Variants in TMEM182 observed in about 807,000 individuals in gnomAD.
TMEM182 encodes transmembrane protein 182.
Under a neutral mutation model 26.8 loss-of-function variants are expected in TMEM182, and 20 were observed. The ratio of observed to expected loss-of-function variants is 0.75; its 90% CI spans 0.53 to 1.09. TMEM182 has a LOEUF of 1.09. TMEM182 is among the 50% of genes least tolerant of loss of function. TMEM182 has a pLI of 0.00. For synonymous variants in TMEM182, 109 were observed against 102.2 expected, an observed-to-expected ratio of 1.07 and a Z score of -0.40; for missense variants, 277 against 275.5, an observed-to-expected ratio of 1.01 and a Z score of -0.04.
At chr2:102,745,811 G>A (rs559984315) in intron 1 of TMEM182, among the ~76,000 whole-genome samples, 45 of 152,200 alleles carry the variant, frequency 3.0e-4, no homozygotes, top group Admixed American at 4.6e-4. Flanking sequence ...TCCCAATAAC[G>A]TTCCACTTAT....
At chr2:102,777,502 T>C (rs1411725351) in intron 3 of TMEM182, among the ~76,000 whole-genome samples, 1 of 152,090 alleles carries the variant, frequency 6.6e-6, no homozygotes, top group African/African-American at 2.4e-5. Context: ...ATCTATTTAT[T>C]CTTTTACCAA....
At chr2:102,764,564 A>C (rs1359285404) in intron 3 of TMEM182, 137 bp downstream of exon 3, 2 of 598,656 alleles carry the variant, frequency 3.3e-6, no homozygotes, top group Non-Finnish European at 5.3e-6. Context: ...CTGTTAGATT[A>C]AAAAATGTTA....
chr2:102,841,969 T>C (rs1281322422), intron 3 of TMEM182, among the ~76,000 whole-genome samples: 2 of 152,232 alleles, frequency 1.3e-5, no homozygotes, highest in Admixed American at 6.5e-5. Flanking sequence ...TTCAGGAAAG[T>C]ATCTAGCATG....
At chr2:102,821,178 G>A (rs943953861), downstream of TMEM182, among the ~76,000 whole-genome samples, 39 of 152,176 alleles carry the variant, frequency 2.6e-4, no homozygotes, top group African/African-American at 7.7e-4. Flanking sequence ...AACATAATGT[G>A]TAGCCTGCAT....
chr2:102,827,296 C>T (rs1307308440), intron 3 of TMEM182, among the ~76,000 whole-genome samples: 1 of 152,212 alleles, frequency 6.6e-6, no homozygotes, highest in African/African-American at 2.4e-5. Context: ...GTGTCTTGCT[C>T]ACAATGCAGG....
At chr2:102,765,857 G>C (rs1680413687) in intron 3 of TMEM182, among the ~76,000 whole-genome samples, 1 of 152,100 alleles carries the variant, frequency 6.6e-6, no homozygotes, top group South Asian at 2.1e-4. Flanking sequence ...AACTGCAGAA[G>C]GCACCTCACT....
intron 4 of TMEM182, among the ~76,000 whole-genome samples, chr2:102,809,764 A>G (rs567718900): frequency 6.6e-6 from 1 of 152,304 alleles, no homozygotes; most frequent in East Asian, 1.9e-4. Flanking sequence ...TTCTAATTCT[A>G]TGTAGATGCC....
intron 3 of TMEM182, among the ~76,000 whole-genome samples, chr2:102,794,410 G>C (rs182813001): frequency 6.6e-6 from 1 of 152,322 alleles, no homozygotes; most frequent in South Asian, 2.1e-4. Context: ...CTCTTCCTCT[G>C]TTTCTGAAGT....
At chr2:102,836,254 A>G (rs529234009) in intron 3 of TMEM182, among the ~76,000 whole-genome samples, 7 of 152,340 alleles carry the variant, frequency 4.6e-5, no homozygotes, top group African/African-American at 1.4e-4. Flanking sequence ...AAATACAAAG[A>G]TTATAATTGC....
In TMEM182 at chr2:102,814,898, G is replaced by A. The variant is rs1682688743; in HGVS notation, c.620G>A (p.Gly207Glu). ...YGWSFFLAPA[G>E]IFFSLLAGLL... ...TGGTCATTTTTCCTGGCCCCAGCTG[G>A]GATATTTTTTTCTTTGCTAGCTGGA... Residue 207 changes from glycine to glutamate, a missense_variant, in exon 5 of 5, where the codon GGG (glycine) becomes GAG (glutamate). Physicochemically the swap from Gly to Glu is moderately conservative, Grantham distance 98. Transcript: ENST00000412401. 1 of 1,613,836 alleles carries A rather than the reference G, an allele frequency of 6.2e-7. No individual in the cohort carries two copies. Among genetic ancestry groups the A allele is most frequent in the Non-Finnish European group, 8.5e-7 (1 of 1,179,950 alleles).
At chr2:102,745,267 A>G (rs1679658286) in intron 1 of TMEM182, among the ~76,000 whole-genome samples, 1 of 152,048 alleles carries the variant, frequency 6.6e-6, no homozygotes, top group Non-Finnish European at 1.5e-5. Flanking sequence ...TGGAATTTAC[A>G]TTTGAATCTT....
chr2:102,771,501 CAG>C (rs1478773142), intron 3 of TMEM182, among the ~76,000 whole-genome samples: 2 of 152,156 alleles, frequency 1.3e-5, no homozygotes, highest in African/African-American at 4.8e-5. Context: ...CACCTTTTTT[CAG>C]AGAGTGCCAT....
intron 3 of TMEM182, among the ~76,000 whole-genome samples, chr2:102,785,844 A>G (rs528366178): frequency 6.6e-6 from 1 of 152,290 alleles, no homozygotes; most frequent in South Asian, 2.1e-4. Flanking sequence ...AATTATGAAA[A>G]TGAAGACTCA....
Position 102,817,199 on chromosome 2 carries a change from G to T in TMEM182, c.*2231G>T, listed in dbSNP as rs1340522636. The T allele has an allele frequency of 3.0e-6, 3 of 985,212 alleles. No individual in the cohort carries two copies. In the East Asian group the frequency reaches 3.4e-4, roughly 112 times the overall value. The allele number at this position is 985,212 out of a possible 1,614,324, so 61.0% of individuals were successfully genotyped here. The stretch of plus-strand genomic sequence containing the variant: ...ACATTATTGTAGCAACCTTATATCT[G>T]ATTTGAGATACTGTGTTGCCAAATG... On this transcript the variant is annotated 3_prime_UTR_variant, in exon 5 of 5. Transcript: ENST00000412401.
intron 3 of TMEM182, among the ~76,000 whole-genome samples, chr2:102,827,964 G>A (rs564822433): frequency 1.7e-4 from 26 of 152,074 alleles, no homozygotes; most frequent in Non-Finnish European, 2.9e-4. Context: ...GATTGTGGGC[G>A]CCTGTAATCC....
intron 4 of TMEM182, among the ~76,000 whole-genome samples, chr2:102,805,058 T>C (rs1682293554): frequency 6.6e-6 from 1 of 152,240 alleles, no homozygotes; most frequent in Non-Finnish European, 1.5e-5. Context: ...TCTGACATTT[T>C]CCACAAATGT....
chr2:102,795,463 G>A (rs1681829823), intron 3 of TMEM182, among the ~76,000 whole-genome samples: 1 of 152,124 alleles, frequency 6.6e-6, no homozygotes, highest in South Asian at 2.1e-4. Flanking sequence ...TTTTCGGCAG[G>A]CAATCAACCA....
At chr2:102,792,041 TACAC>T (rs34305726) in intron 3 of TMEM182, among the ~76,000 whole-genome samples, 2,968 of 146,960 alleles carry the variant, frequency 0.02, 89 homozygotes, top group African/African-American at 0.064. Flanking sequence ...TATGTGTGTA[TACAC>T]ACACACACAC....
At chr2:102,825,022 A>G (rs1469199759) in intron 3 of TMEM182, among the ~76,000 whole-genome samples, 1 of 152,176 alleles carries the variant, frequency 6.6e-6, no homozygotes, top group Non-Finnish European at 1.5e-5. Flanking sequence ...TAATACAAAT[A>G]TATTCCAAAT....
Sources: gnomAD v4.1 joint callset for allele counts (sites outside exome capture counted in the v4.1 genomes callset) on GRCh38, gnomAD v4.1.1 for gene constraint, MANE v1.5 for transcripts, NCBI Gene and HGNC (gene_info 2026-07-23, HGNC 2026-07-21) for gene names.